Variants in DDX60L observed in about 807,000 individuals in gnomAD.
DDX60L encodes probable ATP-dependent RNA helicase DDX60-like.
DDX60L carries 191 observed loss-of-function variants against 211.6 expected under a neutral mutation model. The ratio of observed to expected loss-of-function variants is 0.90; its 90% confidence interval spans 0.80 to 1.02. DDX60L has a LOEUF of 1.02. DDX60L is among the 50% of genes least tolerant of loss of function. DDX60L has a pLI of 0.00. For synonymous variants in DDX60L, 706 were observed against 694.1 expected (o/e 1.02, Z -0.27); for missense variants, 2,007 against 1,984.1 (o/e 1.01, Z -0.22).
intron 29 of DDX60L, chr4:168,390,471 A>T (rs1300340150): frequency 2.2e-6 from 3 of 1,371,724 alleles, no homozygotes; most frequent in African/African-American, 1.5e-5. Flanking sequence ...AATGGAGATA[A>T]ACTCCTTTTC....
rs1554017226 is a variant in DDX60L at position 168,449,813 on chromosome 4, A to AT, written c.997-1035_997-1034insA. The stretch of plus-strand genomic sequence containing the variant: ...AAACATGTGGGTAAAAATAAAAAAA[A>AT]AAAAAAAAAAGAGGTTATAAAACCC... On this transcript the variant is annotated intron_variant, in intron 8 of 37. Coordinates refer to ENST00000682922, the MANE Select transcript of DDX60L (RefSeq NM_001012967.3). Among the ~76,000 whole-genome samples the AT allele has an allele frequency of 1.8e-4, 17 of 95,502 alleles. 1 individual carries two copies. The highest frequency in any genetic ancestry group is 5.1e-4 in the African/African-American group (15 of 29,216). 62.7% of individuals were successfully genotyped at this position (95,502 alleles called of 152,430 possible).
intron 10 of DDX60L, among the ~76,000 whole-genome samples, chr4:168,440,092 G>A (rs1753610382): frequency 6.6e-6 from 1 of 152,192 alleles, no homozygotes; most frequent in Non-Finnish European, 1.5e-5. Context: ...GGGCATGATG[G>A]TGTACACCTG....
intron 17 of DDX60L, 86 bp from the exon 18 acceptor site, chr4:168,420,466 A>G (rs1257396551): frequency 2.4e-4 from 1 of 4,116 alleles, no homozygotes; most frequent in African/African-American, 1.1e-3. Flanking sequence ...ATACACATAC[A>G]CACACACACA....
intron 9 of DDX60L, among the ~76,000 whole-genome samples, chr4:168,442,319 G>A (rs1196251194): frequency 3.3e-5 from 5 of 152,158 alleles, no homozygotes; most frequent in East Asian, 1.9e-4. Context: ...GGCGCACCAC[G>A]AGATTATATC....
At chr4:168,371,989 C>T (rs1741116054) in intron 35 of DDX60L, among the ~76,000 whole-genome samples, 1 of 152,070 alleles carries the variant, frequency 6.6e-6, no homozygotes, top group Admixed American at 6.5e-5. Context: ...ACTAAGCATG[C>T]CTCGGGAATG....
chr4:168,458,127 T>C (rs1375994056), intron 5 of DDX60L, 119 bp from the exon 6 acceptor site: 1 of 550,902 alleles, frequency 1.8e-6, no homozygotes, highest in African/African-American at 1.9e-5. Flanking sequence ...CTGGTCAGAA[T>C]GGCGATTACT....
At chr4:168,430,822 C>G (rs895098688) in intron 12 of DDX60L, among the ~76,000 whole-genome samples, 184 bp from the exon 13 acceptor site, 3 of 152,134 alleles carry the variant, frequency 2.0e-5, no homozygotes, top group Non-Finnish European at 4.4e-5. Context: ...CGAAGCTCTG[C>G]TAATGTCCGG....
chr4:168,432,154 G>A (rs1906760), intron 12 of DDX60L, among the ~76,000 whole-genome samples: 131 of 151,346 alleles, frequency 8.7e-4, no homozygotes, highest in African/African-American at 3.1e-3. Context: ...GCATGCATAC[G>A]TACATATGCA....
intron 26 of DDX60L, among the ~76,000 whole-genome samples, chr4:168,398,328 C>T (rs763613314): frequency 5.9e-5 from 9 of 152,218 alleles, no homozygotes; most frequent in South Asian, 2.1e-4. Flanking sequence ...GGTGTGTGCA[C>T]GCTCAGGACA....
Position 168,432,802 on chromosome 4 carries a change from G to A in DDX60L, c.1400+208C>T, listed in dbSNP as rs144734099. 4.2e-3 allele frequency among the ~76,000 whole-genome samples: 630 copies of A among 150,256 alleles called. 9 individuals are homozygous for A. Among genetic ancestry groups the A allele is most frequent in the African/African-American group, 0.014 (588 of 40,842 alleles). ...TATAGCTGGAGTAATTTTATTATAC[G>A]TTCAAAATAATATAGATTTTTATAT... On this transcript the variant is annotated intron_variant, in intron 11 of 37. Transcript: ENST00000682922.
intron 27 of DDX60L, chr4:168,395,657 C>A: frequency 4.7e-6 from 1 of 214,234 alleles, no homozygotes; most frequent in Non-Finnish European, 9.1e-6. Flanking sequence ...AAAACCCAAA[C>A]GTGACCAGAA....
chr4:168,412,317 G>C (rs1748821381), intron 22 of DDX60L, among the ~76,000 whole-genome samples: 2 of 152,044 alleles, frequency 1.3e-5, no homozygotes, highest in East Asian at 3.9e-4. Context: ...CTGGCTCTTG[G>C]ATGGCATCTC....
At chr4:168,366,969 T>G (rs1336989182) in intron 36 of DDX60L, among the ~76,000 whole-genome samples, 7 of 151,912 alleles carry the variant, frequency 4.6e-5, no homozygotes, top group Non-Finnish European at 1.0e-4. Context: ...ATTATATATG[T>G]GTTTAATAGG....
At chr4:168,404,978 TAA>T (rs1747479461) in intron 24 of DDX60L, among the ~76,000 whole-genome samples, 1 of 152,112 alleles carries the variant, frequency 6.6e-6, no homozygotes, top group African/African-American at 2.4e-5. Context: ...CCAAACAGGC[TAA>T]ATTATTTGTA....
At chr4:168,469,684 C>T (rs1758478443) in intron 4 of DDX60L, 2 of 151,984 alleles carry the variant, frequency 1.3e-5, no homozygotes, top group Admixed American at 1.3e-4. Context: ...TGAGACCATC[C>T]TGCTAACACG....
At position 168,420,389 on chromosome 4, in the gene DDX60L, C is replaced by G; in HGVS notation, c.2395-9G>C. 6.3e-7 allele frequency: 1 copy of G among 1,592,736 alleles called. No individual in the cohort carries two copies. The highest frequency in any genetic ancestry group is 8.5e-7 in the Non-Finnish European group (1 of 1,173,904). On this transcript the variant is annotated splice_polypyrimidine_tract_variant and intron_variant, in intron 17 of 37. Coordinates refer to ENST00000682922, the MANE Select transcript of DDX60L (RefSeq NM_001012967.3). ...ACTTGACCAACAAGGGACTGATTGACAAGAAAAAAAACCATTAGTCACTTA... is the reference window on the plus strand; with the variant it reads ...ACTTGACCAACAAGGGACTGATTGAGAAGAAAAAAAACCATTAGTCACTTA...
At chr4:168,418,766 C>T (rs1445865833) in intron 19 of DDX60L, among the ~76,000 whole-genome samples, 1 of 152,256 alleles carries the variant, frequency 6.6e-6, no homozygotes, top group Non-Finnish European at 1.5e-5. Flanking sequence ...CCACCTTCCT[C>T]TCTGGCCAAT....
intron 36 of DDX60L, among the ~76,000 whole-genome samples, chr4:168,370,984 C>A (rs974459951): frequency 1.3e-5 from 2 of 151,974 alleles, no homozygotes. Context: ...CAGACACCAG[C>A]TAAGTTAACT....
At chr4:168,437,449 T>G (rs1192815588) in intron 10 of DDX60L, among the ~76,000 whole-genome samples, 2 of 152,024 alleles carry the variant, frequency 1.3e-5, no homozygotes, top group Non-Finnish European at 2.9e-5. Context: ...GGCATGGGAT[T>G]GTAAATTCAA....
Sources: gnomAD v4.1 joint callset for allele counts (sites outside exome capture counted in the v4.1 genomes callset) on GRCh38, gnomAD v4.1.1 for gene constraint, MANE v1.5 for transcripts, NCBI Gene and HGNC (gene_info 2026-07-23, HGNC 2026-07-21) for gene names.